GULP1: variants seen among roughly 807,000 people sequenced by gnomAD.
The protein encoded by GULP1 is PTB domain-containing engulfment adapter protein 1.
A neutral mutation model predicts 40.9 loss-of-function variants in GULP1; 19 were observed. That is an observed-to-expected ratio of 0.46 (90% CI 0.32 to 0.68). The LOEUF (loss-of-function observed/expected upper bound fraction) is 0.68, where lower values mean the gene tolerates loss of function less well. Ranked by LOEUF, GULP1 falls within the 30% of genes least tolerant of loss-of-function variation. The pLI, the probability that GULP1 is intolerant of heterozygous loss-of-function variation, is 0.03. For missense variants in GULP1, 312 were observed against 362.2 expected, an observed-to-expected ratio of 0.86 and a Z score of 1.12; for synonymous variants, 119 against 117.6, an observed-to-expected ratio of 1.01 and a Z score of -0.08.
At chr2:188,372,291 T>C (rs1375042855) in intron 1 of GULP1, among the ~76,000 whole-genome samples, 2 of 152,100 alleles carry the variant, frequency 1.3e-5, no homozygotes, top group Non-Finnish European at 2.9e-5. Flanking sequence ...TACTTACTAA[T>C]AGATTCAGAG....
chr2:188,398,115 G>A (rs923179241), intron 2 of GULP1, among the ~76,000 whole-genome samples: 1 of 152,216 alleles, frequency 6.6e-6, no homozygotes, highest in African/African-American at 2.4e-5. Flanking sequence ...AGAAGACCAT[G>A]TAGAGACAGA....
chr2:188,483,191 A>G (rs1319115112), intron 3 of GULP1, among the ~76,000 whole-genome samples: 1 of 152,070 alleles, frequency 6.6e-6, no homozygotes, highest in Non-Finnish European at 1.5e-5. Context: ...AAAATTTGGT[A>G]TCATTTTTAT....
rs146161430 is a variant in GULP1 at position 188,491,958 on chromosome 2, A to AT, written c.90+8474dup. Among the ~76,000 whole-genome samples, 4 of 151,792 alleles carry AT rather than the reference A, an allele frequency of 2.6e-5. No homozygotes were observed. The East Asian group carries it at 5.8e-4, about 22-fold the overall frequency. On this transcript the variant is annotated intron_variant, in intron 4 of 11. Coordinates refer to ENST00000409830, the MANE Select transcript of GULP1 (RefSeq NM_016315.4). ...GTTTCCAGAAAAGTGTGTATCATCT[A>AT]TTTTTTTTCCTTTTTGCTAGAACTA...
chr2:188,444,722 C>T (rs1463486148), intron 2 of GULP1, among the ~76,000 whole-genome samples: 2 of 152,180 alleles, frequency 1.3e-5, no homozygotes, highest in Admixed American at 1.3e-4. Context: ...AAGTTCAGTA[C>T]TTTGTAGATT....
At chr2:188,468,999 G>A (rs947024564) in intron 2 of GULP1, among the ~76,000 whole-genome samples, 3 of 152,176 alleles carry the variant, frequency 2.0e-5, no homozygotes, top group Non-Finnish European at 4.4e-5. Context: ...AGGGATAGGA[G>A]CTCAGAGAAT....
At chr2:188,336,450 A>G (rs2042263571) in intron 1 of GULP1, among the ~76,000 whole-genome samples, 1 of 152,228 alleles carries the variant, frequency 6.6e-6, no homozygotes, top group African/African-American at 2.4e-5. Flanking sequence ...TGCTGAAGAT[A>G]CAGCATCAAA....
chr2:188,392,948 G>A (rs747843860), intron 2 of GULP1, among the ~76,000 whole-genome samples: 132 of 152,048 alleles, frequency 8.7e-4, no homozygotes, highest in Non-Finnish European at 1.2e-3. Flanking sequence ...GATCTGAGAA[G>A]TTGATATGAT....
intron 2 of GULP1, among the ~76,000 whole-genome samples, chr2:188,386,882 A>G (rs1041870016): frequency 3.9e-5 from 6 of 152,212 alleles, no homozygotes; most frequent in Non-Finnish European, 8.8e-5. Context: ...AGGCAGTAGC[A>G]ATTTCTTTCT....
intron 7 of GULP1, chr2:188,542,234 A>G (rs781632335): frequency 2.0e-5 from 3 of 152,188 alleles, no homozygotes; most frequent in Non-Finnish European, 4.4e-5. Flanking sequence ...GGTGGCTGCA[A>G]TAAAGGAAAA....
intron 6 of GULP1, 27 bp downstream of exon 6, chr2:188,529,222 G>A (rs1294677643): frequency 3.8e-6 from 4 of 1,062,844 alleles, no homozygotes; most frequent in Middle Eastern, 2.1e-4. Context: ...AATGTTAGAG[G>A]CAATCTTTAA....
At chr2:188,447,199 GT>G in intron 2 of GULP1, among the ~76,000 whole-genome samples, 1 of 152,294 alleles carries the variant, frequency 6.6e-6, no homozygotes, top group South Asian at 2.1e-4. Context: ...GGAGACCAGA[GT>G]TTTATGATGC....
intron 1 of GULP1, among the ~76,000 whole-genome samples, chr2:188,327,995 T>TA (rs2041002333): frequency 6.6e-6 from 1 of 152,066 alleles, no homozygotes; most frequent in Non-Finnish European, 1.5e-5. Context: ...GAGTGATGAG[T>TA]AAAAGTACAT....
chr2:188,499,954 C>T (rs749282011), intron 4 of GULP1, among the ~76,000 whole-genome samples: 7 of 151,746 alleles, frequency 4.6e-5, no homozygotes, highest in Non-Finnish European at 7.4e-5. Flanking sequence ...CCTATTACCA[C>T]GTGCTTTTAA....
chr2:188,485,944 T>C (rs1250318591), intron 4 of GULP1, among the ~76,000 whole-genome samples: 1 of 152,016 alleles, frequency 6.6e-6, no homozygotes, highest in African/African-American at 2.4e-5. Flanking sequence ...ATTAGAGATG[T>C]TAATCGTATC....
At chr2:188,371,322 T>A (rs374254127) in intron 1 of GULP1, among the ~76,000 whole-genome samples, 68 of 152,162 alleles carry the variant, frequency 4.5e-4, no homozygotes, top group African/African-American at 1.6e-3. Flanking sequence ...CTACAATGAA[T>A]GAGAGTTTTT....
At position 188,550,464 on chromosome 2, in the gene GULP1, A is replaced by T. The variant is rs528722056; in HGVS notation, c.399+9146A>T. Among the ~76,000 whole-genome samples, 3 of 145,834 alleles carry T rather than the reference A, an allele frequency of 2.1e-5. No individual in the cohort carries two copies. The South Asian group carries it at 7.0e-4, about 34-fold the overall frequency. ...TTCATTTCCAAATGTTAATAAATATACCTTATTTGCTGAATGCTGCTTTTA... is the reference window on the plus strand; with the variant it reads ...TTCATTTCCAAATGTTAATAAATATTCCTTATTTGCTGAATGCTGCTTTTA... On this transcript the variant is annotated intron_variant, in intron 7 of 11. Transcript: ENST00000409830.
chr2:188,310,845 A>G (rs1377871271), intron 1 of GULP1, among the ~76,000 whole-genome samples: 1 of 152,246 alleles, frequency 6.6e-6, no homozygotes, highest in Non-Finnish European at 1.5e-5. Context: ...ACCTCATAGG[A>G]GGAAGCTAAT....
chr2:188,396,087 CTG>C (rs758528440), intron 2 of GULP1, among the ~76,000 whole-genome samples: 4 of 152,294 alleles, frequency 2.6e-5, no homozygotes, highest in South Asian at 2.1e-4. Context: ...CTATAATGGA[CTG>C]TGTCAGTTGG....
chr2:188,556,053 G>T (rs1159708967), intron 7 of GULP1, among the ~76,000 whole-genome samples: 1 of 147,116 alleles, frequency 6.8e-6, no homozygotes, highest in East Asian at 2.0e-4. Flanking sequence ...GTGAGACTCT[G>T]TCTCAAAAAA....
Sources: gnomAD v4.1 joint callset for allele counts (sites outside exome capture counted in the v4.1 genomes callset) on GRCh38, gnomAD v4.1.1 for gene constraint, MANE v1.5 for transcripts, NCBI Gene and HGNC (gene_info 2026-07-23, HGNC 2026-07-21) for gene names.